Variants in PAX2 observed in about 807,000 individuals in gnomAD.
The protein encoded by PAX2 is paired box 2.
Under a neutral mutation model 41.7 loss-of-function variants are expected in PAX2, and 9 were observed. The ratio of observed to expected loss-of-function variants is 0.22; its 90% CI spans 0.13 to 0.38. PAX2 has a LOEUF of 0.38. PAX2 is among the 10% of genes least tolerant of loss of function. PAX2 has a pLI of 1.00. For synonymous variants in PAX2, 221 were observed against 212.7 expected, an observed-to-expected ratio of 1.04 and a Z score of -0.34; for missense variants, 418 against 531.6, an observed-to-expected ratio of 0.79 and a Z score of 2.10.
chr10:100,763,271 A>C (rs934459995), intron 3 of PAX2, among the ~76,000 whole-genome samples: 3 of 152,260 alleles, frequency 2.0e-5, no homozygotes, highest in Non-Finnish European at 4.4e-5. Context: ...AACTTCAGTC[A>C]ATCATCTATA....
intron 5 of PAX2, among the ~76,000 whole-genome samples, chr10:100,788,711 A>G (rs1846976455): frequency 6.6e-6 from 1 of 152,092 alleles, no homozygotes. Context: ...CTGAGTACAC[A>G]CTATTTTAGT....
At chr10:100,780,585 C>T (rs1462821407) in intron 4 of PAX2, among the ~76,000 whole-genome samples, 3 of 152,082 alleles carry the variant, frequency 2.0e-5, no homozygotes, top group African/African-American at 4.8e-5. Flanking sequence ...CACCATAGAG[C>T]GAATGGGTTC....
At chr10:100,779,372 C>T (rs1846517951) in intron 3 of PAX2, 126 bp from the exon 4 acceptor site, 2 of 826,748 alleles carry the variant, frequency 2.4e-6, no homozygotes, top group South Asian at 1.4e-5. Flanking sequence ...GGCAGGGACA[C>T]AGGGAGCAGA....
intron 1 of PAX2, among the ~76,000 whole-genome samples, chr10:100,736,177 A>G (rs1418541511): frequency 6.6e-6 from 1 of 152,120 alleles, no homozygotes; most frequent in Non-Finnish European, 1.5e-5. Context: ...GGTCTTATGT[A>G]TTCGATTATG....
Position 100,826,072 on chromosome 10 carries a change from C to A in PAX2, c.1022-937C>A, listed in dbSNP as rs1475747000. Among the ~76,000 whole-genome samples the A allele has an allele frequency of 6.6e-6, 1 of 152,002 alleles. No individual in the cohort carries two copies. The highest frequency in any genetic ancestry group is 1.5e-5 in the Non-Finnish European group (1 of 67,972). On this transcript the variant is annotated intron_variant, in intron 8 of 9. Coordinates refer to ENST00000355243, the MANE Select transcript of PAX2 (RefSeq NM_000278.5). This position sits in a 1 kb window ranked among gnomAD's most constrained non-coding sequence, Gnocchi z 5.5. ...GAATCTAGTGCTGATGAGGAAATTA[C>A]ACTTGTTTCATTAGCGATGGGGAAG...
In PAX2 at chr10:100,805,275, A is replaced by G. The variant is rs568364283; in HGVS notation, c.617-1155A>G. Among the ~76,000 whole-genome samples, 129 of 152,348 alleles carry G rather than the reference A, an allele frequency of 8.5e-4. 1 individual carries two copies. Among genetic ancestry groups the G allele is most frequent in the Admixed American group, 6.9e-3 (106 of 15,312 alleles). ...CTGTATATAATGCAATATTGATTAT[A>G]TCATATCGTATAATCACCTATAAAC... On this transcript the variant is annotated intron_variant, in intron 5 of 9. Coordinates refer to ENST00000355243, the MANE Select transcript of PAX2 (RefSeq NM_000278.5).
chr10:100,799,935 A>G (rs886745342), intron 5 of PAX2, among the ~76,000 whole-genome samples: 5 of 151,392 alleles, frequency 3.3e-5, no homozygotes, highest in African/African-American at 1.2e-4. Flanking sequence ...ACAGGCGCCC[A>G]CCACTACACC....
chr10:100,799,241 C>A (rs533147934), intron 5 of PAX2, among the ~76,000 whole-genome samples: 18 of 152,334 alleles, frequency 1.2e-4, no homozygotes, highest in African/African-American at 4.1e-4. Context: ...CTGGTCCCCC[C>A]ACCTCCACGC....
intron 5 of PAX2, among the ~76,000 whole-genome samples, chr10:100,792,630 T>G (rs1279839649): frequency 6.6e-6 from 1 of 152,220 alleles, no homozygotes; most frequent in Non-Finnish European, 1.5e-5. Flanking sequence ...TTGCTGACTG[T>G]GGAGGACGCC....
chr10:100,795,710 C>A (rs993873001), intron 5 of PAX2, among the ~76,000 whole-genome samples: 1 of 152,200 alleles, frequency 6.6e-6, no homozygotes, highest in Admixed American at 6.5e-5. Flanking sequence ...CTTGTCACTG[C>A]CTCACCCTTT....
chr10:100,750,368 T>C lies in PAX2; in HGVS notation c.213-326T>C, dbSNP rs1296754755. On this transcript the variant is annotated intron_variant, in intron 2 of 9. Transcript: ENST00000355243. The surrounding 1 kb of genome is among the most constrained non-coding windows in gnomAD (Gnocchi z 4.1). ...TCGAGGTGGTGCCTCAACCCTGGCC[T>C]CCCAGAGACCTTGCAGCGCTGTTCG... is the stretch of plus-strand genomic sequence containing the variant. Among the ~76,000 whole-genome samples the C allele has an allele frequency of 1.3e-5, 2 of 152,028 alleles. No homozygotes were observed. Among genetic ancestry groups the C allele is most frequent in the African/African-American group, 4.8e-5 (2 of 41,392 alleles).
chr10:100,739,985 C>T (rs1844897264), intron 1 of PAX2, among the ~76,000 whole-genome samples: 1 of 152,240 alleles, frequency 6.6e-6, no homozygotes, highest in South Asian at 2.1e-4. Context: ...GGTGGCTTCT[C>T]AGTTCCCTCG....
intron 7 of PAX2, among the ~76,000 whole-genome samples, chr10:100,813,156 G>A (rs947909069): frequency 6.6e-6 from 1 of 152,248 alleles, no homozygotes; most frequent in Non-Finnish European, 1.5e-5. Context: ...CGCTCTAGAA[G>A]CTAGGGAAAG....
At position 100,791,750 on chromosome 10, in the gene PAX2, A is replaced by G. The variant is rs948376063; in HGVS notation, c.616+10385A>G. Among the ~76,000 whole-genome samples the G allele has an allele frequency of 1.3e-5, 2 of 152,202 alleles. No individual in the cohort carries two copies. Among genetic ancestry groups the G allele is most frequent in the Non-Finnish European group, 2.9e-5 (2 of 68,026 alleles). On this transcript the variant is annotated intron_variant, in intron 5 of 9. Transcript: ENST00000355243. This position sits in a 1 kb window ranked among gnomAD's most constrained non-coding sequence, Gnocchi z 4.5. Reference sequence around the variant, plus strand: ...CAGTAGGTTTGGTAGGAGTGACTCCAGGAGCCGTTCTTTCCTCCTTTCTTC... The same window carrying G: ...CAGTAGGTTTGGTAGGAGTGACTCCGGGAGCCGTTCTTTCCTCCTTTCTTC...
intron 3 of PAX2, among the ~76,000 whole-genome samples, chr10:100,776,369 C>G (rs989025767): frequency 6.6e-6 from 1 of 152,240 alleles, no homozygotes; most frequent in Non-Finnish European, 1.5e-5. Flanking sequence ...CTTCTTGTTC[C>G]TAATTCCCTT....
At chr10:100,760,301 C>T (rs11599767) in intron 3 of PAX2, among the ~76,000 whole-genome samples, 20,484 of 152,142 alleles carry the variant, frequency 0.13, 1,862 homozygotes, top group Middle Eastern at 0.29. Context: ...ATTGTTTGGT[C>T]CCAGAATGAA....
chr10:100,763,576 G>T (rs1424065974), intron 3 of PAX2, among the ~76,000 whole-genome samples: 1 of 152,220 alleles, frequency 6.6e-6, no homozygotes, highest in Non-Finnish European at 1.5e-5. Flanking sequence ...TCCCCCGAAA[G>T]TTGGCCAGGA....
Position 100,829,873 on chromosome 10 carries a change from A to T in PAX2, c.*2254A>T, listed in dbSNP as rs1167728838. 4 of 185,528 alleles carry T rather than the reference A, an allele frequency of 2.2e-5. No individual in the cohort carries two copies. Among genetic ancestry groups the T allele is most frequent in the Non-Finnish European group, 3.4e-5 (3 of 87,464 alleles). 11.5% of individuals were successfully genotyped at this position (185,528 alleles called of 1,614,324 possible). A position where few individuals can be genotyped will look rare whatever the true frequency, so the allele number is the denominator to read the frequency against. ...ACTTTCAGTGCGTCGGTTCGTTTTG[A>T]TTCTTTTTCTTTTGTGCACATAAGA... On this transcript the variant is annotated 3_prime_UTR_variant, in exon 10 of 10. Transcript: ENST00000355243.
chr10:100,829,211 C>G lies in PAX2; in HGVS notation c.*1592C>G, dbSNP rs1268769860. ...TGTAATTCCGTGTTTTCGCTTTTTC[C>G]TCCCTGCCCCTCTCTCCCTCTGCCC... On this transcript the variant is annotated 3_prime_UTR_variant, in exon 10 of 10. Coordinates refer to ENST00000355243, the MANE Select transcript of PAX2 (RefSeq NM_000278.5). 1.3e-5 allele frequency: 3 copies of G among 232,328 alleles called. No homozygotes were observed. The highest frequency in any genetic ancestry group is 2.6e-5 in the Non-Finnish European group (3 of 117,498). The allele number at this position is 232,328 out of a possible 1,614,324, so 14.4% of individuals were successfully genotyped here.
Sources: allele counts gnomAD v4.1 joint callset (sites outside exome capture counted in the v4.1 genomes callset), GRCh38; gene constraint gnomAD v4.1.1; non-coding constraint Gnocchi (gnomAD v3.1); transcripts MANE v1.5; gene names NCBI Gene and HGNC (gene_info 2026-07-23, HGNC 2026-07-21).